The following EXT1 variants were observed in gnomAD, a reference collection of about 807,000 sequenced individuals.
The protein encoded by EXT1 is exostosin glycosyltransferase 1.
A neutral mutation model predicts 82.5 loss-of-function variants in EXT1; 20 were observed. The observed-to-expected ratio is 0.24, with a 90% CI of 0.17 to 0.35. The LOEUF is 0.35. Among genes scored for constraint, EXT1 ranks in the 10% least tolerant of loss-of-function variants. EXT1 has a pLI of 1.00. For synonymous variants in EXT1, 348 were observed against 350.8 expected, an observed-to-expected ratio of 0.99 and a Z score of 0.09; for missense variants, 757 against 936.5, an observed-to-expected ratio of 0.81 and a Z score of 2.50.
At chr8:117,849,997 T>C (rs765346621) in intron 1 of EXT1, among the ~76,000 whole-genome samples, 20 of 152,244 alleles carry the variant, frequency 1.3e-4, no homozygotes, top group Non-Finnish European at 2.8e-4. Flanking sequence ...ACACACATGA[T>C]ACTGTGGGGC....
chr8:118,056,593 T>C (rs1229159958), intron 1 of EXT1, among the ~76,000 whole-genome samples: 1 of 152,160 alleles, frequency 6.6e-6, no homozygotes. Flanking sequence ...GAGAAGTACT[T>C]GGCCCTGGGT....
intron 1 of EXT1, among the ~76,000 whole-genome samples, chr8:117,859,511 A>G (rs1812643262): frequency 6.6e-6 from 1 of 152,326 alleles, no homozygotes; most frequent in Admixed American, 6.5e-5. Flanking sequence ...GAATCCTTGT[A>G]GGGTAGTGCA....
intron 1 of EXT1, among the ~76,000 whole-genome samples, chr8:118,010,502 A>T (rs1815876861): frequency 6.6e-6 from 1 of 152,196 alleles, no homozygotes; most frequent in African/African-American, 2.4e-5. Flanking sequence ...ACTGGGAAGA[A>T]TTCCAACTGC....
intron 1 of EXT1, among the ~76,000 whole-genome samples, chr8:117,923,587 A>G (rs908002835): frequency 1.3e-5 from 2 of 151,506 alleles, no homozygotes; most frequent in South Asian, 2.1e-4. Flanking sequence ...TTAGCCAGGC[A>G]TGGTGGCGGT....
chr8:118,101,227 G>A (rs1472619099), intron 1 of EXT1, among the ~76,000 whole-genome samples: 1 of 152,176 alleles, frequency 6.6e-6, no homozygotes, highest in Non-Finnish European at 1.5e-5. Flanking sequence ...CTGAGGCTGA[G>A]AAGTTAAAAA....
intron 1 of EXT1, among the ~76,000 whole-genome samples, chr8:118,104,736 T>A (rs531091011): frequency 6.6e-6 from 1 of 152,210 alleles, no homozygotes; most frequent in African/African-American, 2.4e-5. Context: ...AAAATGCTCA[T>A]GTCAGTGGTC....
intron 1 of EXT1, among the ~76,000 whole-genome samples, chr8:118,010,329 G>A (rs1245527697): frequency 2.2e-5 from 3 of 139,236 alleles, no homozygotes; most frequent in African/African-American, 2.8e-5. Context: ...CTGAGATTGC[G>A]CCACTGCACT....
chr8:117,922,941 C>T (rs1027931914), intron 1 of EXT1, among the ~76,000 whole-genome samples: 2 of 152,200 alleles, frequency 1.3e-5, no homozygotes, highest in Admixed American at 1.3e-4. Flanking sequence ...TGCCTGGATC[C>T]TGAGCAATTG....
chr8:117,931,357 A>C (rs1196975719), intron 1 of EXT1, among the ~76,000 whole-genome samples: 1 of 152,198 alleles, frequency 6.6e-6, no homozygotes, highest in Non-Finnish European at 1.5e-5. Context: ...CAAAGGAGGC[A>C]TGCTTAGAAA....
chr8:118,072,678 G>C (rs2468134), intron 1 of EXT1, among the ~76,000 whole-genome samples: 4 of 152,006 alleles, frequency 2.6e-5, no homozygotes, highest in African/African-American at 9.7e-5. Flanking sequence ...CATTTTTTCT[G>C]TTCATCCAAC....
At position 117,830,353 on chromosome 8, in the gene EXT1, T is replaced by C. The variant is rs1467617318; in HGVS notation, c.1165-4A>G. On this transcript the variant is annotated splice_polypyrimidine_tract_variant and splice_region_variant and intron_variant, in intron 3 of 10. Transcript: ENST00000378204. ...TAGACCTGATTGTAGAAGGAATCTG[T>C]AACACAAGGTGAACACATAGGAATT... 2 of 1,613,770 alleles carry C rather than the reference T, an allele frequency of 1.2e-6. No individual in the cohort carries two copies. The highest frequency in any genetic ancestry group is 3.3e-5 in the Admixed American group (2 of 59,998).
chr8:117,896,802 T>C (rs543246351), intron 1 of EXT1, among the ~76,000 whole-genome samples: 135 of 152,264 alleles, frequency 8.9e-4, no homozygotes, highest in Non-Finnish European at 1.5e-3. Context: ...CTTAATTACA[T>C]TGAGAGAAAG....
intron 6 of EXT1, 45 bp from the exon 7 acceptor site, chr8:117,818,575 T>C (rs771542816): frequency 2.8e-6 from 4 of 1,434,910 alleles, no homozygotes; most frequent in Non-Finnish European, 3.9e-6. Context: ...AGGATGTATT[T>C]ATGTATGCCT....
intron 1 of EXT1, among the ~76,000 whole-genome samples, chr8:117,886,136 TCAAAAAATAG>T (rs1233227376): frequency 3.3e-5 from 5 of 152,248 alleles, no homozygotes; most frequent in South Asian, 2.1e-4. Context: ...CATATAAAGA[TCAAAAAATAG>T]CAAAAAATAG....
intron 1 of EXT1, among the ~76,000 whole-genome samples, chr8:118,103,353 C>A (rs1240235924): frequency 6.6e-6 from 1 of 152,106 alleles, no homozygotes; most frequent in Non-Finnish European, 1.5e-5. Flanking sequence ...CACTGTGTTA[C>A]CCAGGCTAGT....
At chr8:118,062,605 C>T (rs969351238) in intron 1 of EXT1, among the ~76,000 whole-genome samples, 1 of 152,082 alleles carries the variant, frequency 6.6e-6, no homozygotes, top group Non-Finnish European at 1.5e-5. Context: ...CCCAGAGATG[C>T]GAAATATTCA....
At chr8:118,076,216 G>T (rs1327134441) in intron 1 of EXT1, among the ~76,000 whole-genome samples, 1 of 152,182 alleles carries the variant, frequency 6.6e-6, no homozygotes, top group Non-Finnish European at 1.5e-5. Context: ...GTACATGTAA[G>T]GTATCAACAC....
At chr8:118,026,002 C>T (rs1383284148) in intron 1 of EXT1, among the ~76,000 whole-genome samples, 1 of 152,178 alleles carries the variant, frequency 6.6e-6, no homozygotes, top group Non-Finnish European at 1.5e-5. Flanking sequence ...CAGAAAAGGA[C>T]TGCCACACTC....
In EXT1 at chr8:118,111,661, G is replaced by A; in HGVS notation, c.-615C>T. On this transcript the variant is annotated 5_prime_UTR_variant, in exon 1 of 11. Coordinates refer to ENST00000378204, the MANE Select transcript of EXT1 (RefSeq NM_000127.3). The stretch of plus-strand genomic sequence containing the variant: ...CGGCGGTGTTTACTCCTGCGCTCGC[G>A]GGGCCGGCCCCCGGGACGCGCGGCG... The A allele has an allele frequency of 2.7e-6, 1 of 369,022 alleles. No homozygotes were observed. Among genetic ancestry groups the A allele is most frequent in the East Asian group, 3.8e-5 (1 of 26,406 alleles). The allele number at this position is 369,022 out of a possible 1,614,324, so 22.9% of individuals were successfully genotyped here.
Sources: gnomAD v4.1 joint callset for allele counts (sites outside exome capture counted in the v4.1 genomes callset) on GRCh38, gnomAD v4.1.1 for gene constraint, MANE v1.5 for transcripts, NCBI Gene and HGNC (gene_info 2026-07-23, HGNC 2026-07-21) for gene names.